The following APOL5 variants were observed in gnomAD, a reference collection of about 807,000 sequenced individuals.
The protein encoded by APOL5 is apolipoprotein L5.
In APOL5, 29 loss-of-function variants were observed where a neutral mutation model predicts 35.5. The ratio of observed to expected loss-of-function variants is 0.82; its 90% CI spans 0.61 to 1.11. The LOEUF (loss-of-function observed/expected upper bound fraction) is 1.11, where lower values mean the gene tolerates loss of function less well. APOL5 is among the 50% of genes most tolerant of loss of function. APOL5 has a pLI of 0.00. For synonymous variants in APOL5, 188 were observed against 200.2 expected (o/e 0.94, Z 0.51); for missense variants, 514 against 530.4 (o/e 0.97, Z 0.30).
At chr22:35,716,973 G>A (rs1481466665), upstream of APOL5, among the ~76,000 whole-genome samples, 4 of 123,316 alleles carry the variant, frequency 3.2e-5, no homozygotes, top group African/African-American at 1.3e-4. Flanking sequence ...ATAACTGGAT[G>A]AACATCCATA....
chr22:35,709,532 A>G, the APOL5 span, among the ~76,000 whole-genome samples: 1 of 152,202 alleles, frequency 6.6e-6, no homozygotes, highest in East Asian at 1.9e-4. Context: ...TAGTAACTTC[A>G]TTACATTTTC....
At chr22:35,711,638 CCTT>C in the APOL5 span, among the ~76,000 whole-genome samples, 1 of 149,470 alleles carries the variant, frequency 6.7e-6, no homozygotes, top group Non-Finnish European at 1.5e-5. Context: ...TTCCTTCCTT[CCTT>C]CCTTCCCTCC....
chr22:35,720,624 G>T lies in APOL5; in HGVS notation c.112G>T (p.Val38Phe), dbSNP rs1388608877. The T allele has an allele frequency of 1.3e-5, 21 of 1,613,966 alleles. No homozygotes were observed. Among genetic ancestry groups the T allele is most frequent in the Non-Finnish European group, 1.4e-5 (17 of 1,180,004 alleles). The change falls in exon 2 of 5, where the codon GTC (valine) becomes TTC (phenylalanine). Residue 38 changes from valine to phenylalanine, a missense_variant. Physicochemically the swap from Val to Phe is conservative, Grantham distance 50. Transcript: ENST00000249044. ...WLRKVIYGGE[V>F]WGKSPEPEFP... ...TCGAAAGGTAATCTACGGAGGTGAG[G>T]TCTGGGGGAAGTCCCCAGAACCTGA...
intron 4 of APOL5, 102 bp downstream of exon 4, chr22:35,729,006 C>T (rs1287685764): frequency 6.1e-6 from 8 of 1,302,718 alleles, no homozygotes; most frequent in South Asian, 1.7e-5. Flanking sequence ...GAGGGCCTAA[C>T]GGGGACAGAG....
chr22:35,718,000 C>A, intron 1 of APOL5, 74 bp downstream of exon 1: 1 of 1,274,558 alleles, frequency 7.8e-7, no homozygotes, highest in Non-Finnish European at 1.1e-6. Flanking sequence ...AGAAAAAATA[C>A]GTTACACTAT....
At position 35,717,967 on chromosome 22, in the gene APOL5, G is replaced by A. The variant is rs202132559; in HGVS notation, c.55+41G>A. 92 of 1,488,748 alleles carry A rather than the reference G, an allele frequency of 6.2e-5. 1 individual carries two copies. The East Asian group carries it at 8.8e-4, about 14-fold the overall frequency. 92.2% of individuals were successfully genotyped at this position (1,488,748 alleles called of 1,614,324 possible). A position where few individuals can be genotyped will look rare whatever the true frequency, so the allele number is the denominator to read the frequency against. On this transcript the variant is annotated intron_variant, in intron 1 of 4. Coordinates refer to ENST00000249044, the MANE Select transcript of APOL5 (RefSeq NM_030642.1). ...CTTTCAGAAAACAAGCAATTCTCAC[G>A]TTGTACAAATTGTCCCAGAAATAGA...
chr22:35,720,945 C>T lies in APOL5; in HGVS notation c.142+291C>T, dbSNP rs538957260. On this transcript the variant is annotated intron_variant, in intron 2 of 4. Transcript: ENST00000249044. ...ATTTTTTGTAGAGATGGAGTTTCCCCATGTTGGCCAGGCTGGTCTTGAACT... is the reference window on the plus strand; with the variant it reads ...ATTTTTTGTAGAGATGGAGTTTCCCTATGTTGGCCAGGCTGGTCTTGAACT... Among the ~76,000 whole-genome samples, 940 of 152,226 alleles carry T rather than the reference C, an allele frequency of 6.2e-3. 5 individuals are homozygous for T. Among genetic ancestry groups the T allele is most frequent in the South Asian group, 0.029 (139 of 4,820 alleles).
At position 35,720,798 on chromosome 22, in the gene APOL5, T is replaced by C. The variant is rs965290559; in HGVS notation, c.142+144T>C. ...CTCTTCTCTGTTGCCCAGGTTGGAG[T>C]GCAGTGGCACGATCTCGGCTCACTG... On this transcript the variant is annotated intron_variant, in intron 2 of 4. Coordinates refer to ENST00000249044, the MANE Select transcript of APOL5 (RefSeq NM_030642.1). 4.9e-6 allele frequency: 3 copies of C among 609,834 alleles called. No individual in the cohort carries two copies. In the African/African-American group the frequency reaches 5.5e-5, roughly 11 times the overall value. 37.8% of individuals were successfully genotyped at this position (609,834 alleles called of 1,614,324 possible). A position where few individuals can be genotyped will look rare whatever the true frequency, so the allele number is the denominator to read the frequency against.
chr22:35,717,200 AC>A (rs1279203206), upstream of APOL5, among the ~76,000 whole-genome samples: 1 of 137,924 alleles, frequency 7.3e-6, no homozygotes, highest in Non-Finnish European at 1.5e-5. Context: ...AGCCTGGGCA[AC>A]ATGGTGAATC....
At chr22:35,715,930 A>G (rs909216264), upstream of APOL5, among the ~76,000 whole-genome samples, 11 of 152,210 alleles carry the variant, frequency 7.2e-5, no homozygotes, top group East Asian at 3.8e-4. Flanking sequence ...AATGGGACAA[A>G]TCAAAGTTGA....
the APOL5 span, among the ~76,000 whole-genome samples, chr22:35,710,309 C>A: frequency 1.0e-3 from 149 of 149,028 alleles, no homozygotes; most frequent in African/African-American, 3.6e-3. Flanking sequence ...CTTTTTTATT[C>A]TTCTTTTTTT....
At chr22:35,718,019 C>G in intron 1 of APOL5, 93 bp downstream of exon 1, 1 of 1,029,388 alleles carries the variant, frequency 9.7e-7, no homozygotes, top group Non-Finnish European at 1.4e-6. Flanking sequence ...ATTTTTTATA[C>G]CCACCATATG....
rs201587067 is a variant in APOL5, at chr22:35,720,559, C to A, written c.56-9C>A. 50 of 1,613,818 alleles carry A rather than the reference C, an allele frequency of 3.1e-5. No homozygotes were observed. The East Asian group carries it at 1.0e-3, about 33-fold the overall frequency. On this transcript the variant is annotated splice_polypyrimidine_tract_variant and intron_variant, in intron 1 of 4. Transcript: ENST00000249044. ...AGAAGAAATGTCCCTGATCCTTGTC[C>A]ATCTCCAGGCTTGGGAGAAGGTTGT...
In APOL5 at chr22:35,726,869, C is replaced by T. The variant is rs1329810521; in HGVS notation, c.801C>T (p.His267=). 4 of 1,614,210 alleles carry T rather than the reference C, an allele frequency of 2.5e-6. No individual in the cohort carries two copies. The highest frequency in any genetic ancestry group is 1.1e-5 in the South Asian group (1 of 91,086). ...TCAAGAATTTTGTGGCCAAGAGACA[C>T]ATCCCTTTCTGGACGGCTAGAGGGG... The part of the protein sequence containing the change: ...AMVKNFVAKR[H]IPFWTARGVQ... The change falls in exon 3 of 5, where the codon CAC becomes CAT. Residue 267 remains histidine (H), a synonymous_variant. Coordinates refer to ENST00000249044, the MANE Select transcript of APOL5 (RefSeq NM_030642.1).
chr22:35,713,523 C>T (rs76439581), upstream of APOL5, among the ~76,000 whole-genome samples: 5,201 of 152,310 alleles, frequency 0.034, 117 homozygotes, highest in Middle Eastern at 0.078. Context: ...TGGATTTTAT[C>T]TGTTTACGAA....
upstream of APOL5, among the ~76,000 whole-genome samples, chr22:35,716,662 A>T (rs1926753281): frequency 6.6e-6 from 1 of 152,172 alleles, no homozygotes; most frequent in Non-Finnish European, 1.5e-5. Context: ...CCCTAGCCCT[A>T]AATCTCCCTC....
At chr22:35,710,575 T>C in the APOL5 span, among the ~76,000 whole-genome samples, 2 of 152,052 alleles carry the variant, frequency 1.3e-5, no homozygotes, top group Non-Finnish European at 2.9e-5. Flanking sequence ...ATTTCAAGCA[T>C]TGTTAAGGGT....
chr22:35,708,579 A>T, the APOL5 span, among the ~76,000 whole-genome samples: 48 of 152,346 alleles, frequency 3.2e-4, no homozygotes, highest in African/African-American at 1.1e-3. Flanking sequence ...CTTCAGGATC[A>T]CATCTGTGCT....
At chr22:35,723,158 C>T (rs1776310241) in intron 2 of APOL5, among the ~76,000 whole-genome samples, 1 of 152,142 alleles carries the variant, frequency 6.6e-6, no homozygotes, top group South Asian at 2.1e-4. Context: ...TCAACAGTTC[C>T]TTTGAGGCCG....
Sources: allele counts gnomAD v4.1 joint callset (sites outside exome capture counted in the v4.1 genomes callset), GRCh38; gene constraint gnomAD v4.1.1; transcripts MANE v1.5; gene names NCBI Gene and HGNC (gene_info 2026-07-23, HGNC 2026-07-21).